Variants in PAX4 observed in about 807,000 individuals in gnomAD.
PAX4 encodes the protein paired box protein Pax-4.
PAX4 carries 33 observed loss-of-function variants against 40.6 expected under a neutral mutation model. The observed-to-expected ratio is 0.81, with a 90% confidence interval of 0.62 to 1.09. The LOEUF is 1.09. Among genes scored for constraint, PAX4 ranks in the 50% least tolerant of loss-of-function variants. PAX4 has a pLI of 0.00. For synonymous variants in PAX4, 174 were observed against 170.6 expected (o/e 1.02, Z -0.16); for missense variants, 459 against 442.5 (o/e 1.04, Z -0.33).
rs1794609351 is a variant in PAX4 at position 127,610,753 on chromosome 7, G to A, written c.*311C>T. The A allele has an allele frequency of 1.2e-6, 1 of 811,130 alleles. No homozygotes were observed. The highest frequency in any genetic ancestry group is 1.7e-5 in the African/African-American group (1 of 58,730). 50.2% of individuals were successfully genotyped at this position (811,130 alleles called of 1,614,324 possible). ...AATTGTCTATAATTGTTGAATATTAGAGTGGGCATAGGGGTGCTCATAGGG... is the reference window on the plus strand; with the variant it reads ...AATTGTCTATAATTGTTGAATATTAAAGTGGGCATAGGGGTGCTCATAGGG... On this transcript the variant is annotated 3_prime_UTR_variant, in exon 12 of 12. Coordinates refer to ENST00000639438, the MANE Select transcript of PAX4 (RefSeq NM_001366110.1).
In PAX4 at chr7:127,611,388, C is replaced by A. The variant is rs1046540692; in HGVS notation, c.913+147G>T. The stretch of plus-strand genomic sequence containing the variant: ...CATAGACTCAGGGGTTACTAGTCTC[C>A]GTAATTTTGTGGACCATGCAAAGAA... On this transcript the variant is annotated intron_variant, in intron 11 of 11. Coordinates refer to ENST00000639438, the MANE Select transcript of PAX4 (RefSeq NM_001366110.1). The A allele has an allele frequency of 9.2e-6, 14 of 1,521,936 alleles. No homozygotes were observed. The East Asian group carries it at 3.2e-4, about 34-fold the overall frequency. 94.3% of individuals were successfully genotyped at this position (1,521,936 alleles called of 1,614,324 possible).
intron 6 of PAX4, 122 bp from the exon 7 acceptor site, chr7:127,614,003 G>C: frequency 8.6e-7 from 1 of 1,156,320 alleles, no homozygotes; most frequent in Non-Finnish European, 1.3e-6. Flanking sequence ...GAGCCAAGCT[G>C]GTGGGGCATT....
rs558771544 is a variant in PAX4 at position 127,613,792 on chromosome 7, T to C, written c.526A>G (p.Ile176Val). 6.2e-7 allele frequency: 1 copy of C among 1,613,942 alleles called. No individual in the cohort carries two copies. Among genetic ancestry groups the C allele is most frequent in the East Asian group, 2.2e-5 (1 of 44,852 alleles). Residue 176 changes from isoleucine (I) to valine (V), a missense_variant, in exon 7 of 12, where the codon ATC (isoleucine) becomes GTC (valine). Ile to Val is a conservative substitution (Grantham distance 29, BLOSUM62 3). Coordinates refer to ENST00000639438, the MANE Select transcript of PAX4 (RefSeq NM_001366110.1). ...GCCTCTGCTTGGCTTGGGGAGAAGA[T>C]AGTCCGATTCCGGTGGCCGGTCCCT... ...HPGTGHRNRT[I>V]FSPSQAEALE... is the part of the protein sequence containing the mutation.
intron 8 of PAX4, 48 bp downstream of exon 8, chr7:127,613,402 C>A: frequency 1.3e-6 from 2 of 1,581,424 alleles, no homozygotes; most frequent in Admixed American, 3.3e-5. Context: ...CTGGCCGGCC[C>A]AGACTCTTCC....
intron 8 of PAX4, 66 bp from the exon 9 acceptor site, chr7:127,613,157 C>T (rs1403089313): frequency 1.0e-5 from 13 of 1,282,290 alleles, no homozygotes. Flanking sequence ...CTGATCTCAC[C>T]ACATGTTCCT....
chr7:127,615,189 A>T, intron 4 of PAX4, 94 bp from the exon 5 acceptor site: 1 of 1,605,864 alleles, frequency 6.2e-7, no homozygotes, highest in African/African-American at 1.3e-5. Context: ...GACAAAGCCA[A>T]GACTTACTGG....
At chr7:127,611,923 A>G (rs1210814755) in intron 10 of PAX4, 22 bp downstream of exon 10, 2 of 1,613,372 alleles carry the variant, frequency 1.2e-6, no homozygotes, top group Non-Finnish European at 1.7e-6. Context: ...CAGGGCACAG[A>G]CTCCCCTCTC....
chr7:127,614,683 C>CCT lies in PAX4; in HGVS notation c.361-128_361-127dup, dbSNP rs143347689. ...TACACATTGTTCCCAAGGGCAGCCT[C>CCT]CTCTCTCTCTCTCTATGCTTTCTCC... On this transcript the variant is annotated intron_variant, in intron 5 of 11. Coordinates refer to ENST00000639438, the MANE Select transcript of PAX4 (RefSeq NM_001366110.1). 8.4e-4 allele frequency: 897 copies of CCT among 1,073,316 alleles called. 1 individual carries two copies. The highest frequency in any genetic ancestry group is 8.1e-4 in the Non-Finnish European group (585 of 717,856). 66.5% of individuals were successfully genotyped at this position (1,073,316 alleles called of 1,614,324 possible). A position where few individuals can be genotyped will look rare whatever the true frequency, so the allele number is the denominator to read the frequency against.
rs746285934 is a variant in PAX4, at chr7:127,611,945, C to T, written c.771G>A (p.Gln257=). The part of the protein sequence containing the change: ...PRVAPGIISA[Q]QSPGSVPTAA... ...CAGACTCCCCTCTCCTCCCGAGTAC[C>T]TGTGCAGAGATGATTCCTGGGGCAA... The change falls in exon 10 of 12, where the codon CAG becomes CAA. Residue 257 remains glutamine, a splice_region_variant and synonymous_variant. Coordinates refer to ENST00000639438, the MANE Select transcript of PAX4 (RefSeq NM_001366110.1). The T allele has an allele frequency of 4.3e-6, 7 of 1,614,140 alleles. 1 individual carries two copies. In the Admixed American group the frequency reaches 1.2e-4, roughly 27 times the overall value.
chr7:127,611,689 A>G lies in PAX4; in HGVS notation c.772-13T>C, dbSNP rs750170912. 1.9e-6 allele frequency: 3 copies of G among 1,607,618 alleles called. No homozygotes were observed. Among genetic ancestry groups the G allele is most frequent in the African/African-American group, 2.7e-5 (2 of 74,834 alleles). On this transcript the variant is annotated splice_polypyrimidine_tract_variant and intron_variant, in intron 10 of 11. Coordinates refer to ENST00000639438, the MANE Select transcript of PAX4 (RefSeq NM_001366110.1). The stretch of plus-strand genomic sequence containing the variant: ...TGCCAGGGGACTGCTAAAAAAAAAA[A>G]GCAAGAGAAGAACCTTAGCTTCCAG...
chr7:127,611,216 C>A lies in PAX4; in HGVS notation c.914-10G>T, dbSNP rs778463380. 58 of 1,589,226 alleles carry A rather than the reference C, an allele frequency of 3.6e-5. No individual in the cohort carries two copies. The highest frequency in any genetic ancestry group is 5.0e-5 in the Non-Finnish European group (58 of 1,167,482). On this transcript the variant is annotated splice_polypyrimidine_tract_variant and intron_variant, in intron 11 of 11. Coordinates refer to ENST00000639438, the MANE Select transcript of PAX4 (RefSeq NM_001366110.1). ...TGTGGGGGCAAGTGGCCTGTGGGGACAAATAGAGAGAGCTTGGGGTTATTG... is the reference window on the plus strand; with the variant it reads ...TGTGGGGGCAAGTGGCCTGTGGGGAAAAATAGAGAGAGCTTGGGGTTATTG...
rs762823646 is a variant in PAX4, at chr7:127,610,907, G to A, written c.*157C>T. 291 of 1,544,858 alleles carry A rather than the reference G, an allele frequency of 1.9e-4. No homozygotes were observed. Among genetic ancestry groups the A allele is most frequent in the Non-Finnish European group, 2.3e-4 (261 of 1,146,964 alleles). On this transcript the variant is annotated 3_prime_UTR_variant, in exon 12 of 12. Transcript: ENST00000639438. ...ACCAGCCCCTCCAATCAGGTGATGC[G>A]CCAGAGAGGCATCGAGGCAGGGCCA...
chr7:127,611,735 G>T (rs1392488227), intron 10 of PAX4, 59 bp from the exon 11 acceptor site: 1 of 1,603,100 alleles, frequency 6.2e-7, no homozygotes, highest in South Asian at 1.1e-5. Flanking sequence ...TGTAGAGAAC[G>T]CCGGGACCCC....
chr7:127,612,318 G>C (rs1794640722), intron 9 of PAX4, among the ~76,000 whole-genome samples: 2 of 152,190 alleles, frequency 1.3e-5, no homozygotes, highest in South Asian at 4.1e-4. Context: ...TGGATGGATG[G>C]GTGGATGGAT....
chr7:127,615,637 C>T, intron 3 of PAX4, 106 bp from the exon 4 acceptor site: 1 of 1,597,826 alleles, frequency 6.3e-7, no homozygotes. Flanking sequence ...CCACCGAGTG[C>T]ATCCTCTCCT....
At position 127,614,935 on chromosome 7, in the gene PAX4, T is replaced by A. The variant is rs1794699654; in HGVS notation, c.305A>T (p.Glu102Val). ...TTCAGCACAAAGCTGGCGTTGGATT[T>A]CCCAGGCAAAGAGGGCTGGACACTC... Reference protein sequence around the residue: ...KGECPALFAWEIQRQLCAEGL... With the variant: ...KGECPALFAWVIQRQLCAEGL... Residue 102 changes from glutamate (E) to valine (V), a missense_variant, in exon 5 of 12, where the codon GAA becomes GTA. Physicochemically the swap from Glu to Val is moderately radical, Grantham distance 121 (BLOSUM62 -2). Coordinates refer to ENST00000639438, the MANE Select transcript of PAX4 (RefSeq NM_001366110.1). The A allele has an allele frequency of 6.2e-7, 1 of 1,614,024 alleles. No homozygotes were observed. The highest frequency in any genetic ancestry group is 1.1e-5 in the South Asian group (1 of 91,078).
Position 127,618,110 on chromosome 7 carries a change from G to A in PAX4, c.-374C>T, listed in dbSNP as rs370467107. ...CTGCCAGGGGGTCCAGAGCTATAGA[G>A]AGCCCGTGCTCAAGAGCAGAGGGCA... is the stretch of plus-strand genomic sequence containing the variant. On this transcript the variant is annotated 5_prime_UTR_variant, in exon 1 of 12. Coordinates refer to ENST00000639438, the MANE Select transcript of PAX4 (RefSeq NM_001366110.1). 5.2e-5 allele frequency: 8 copies of A among 152,590 alleles called. No homozygotes were observed. Among genetic ancestry groups the A allele is most frequent in the African/African-American group, 1.7e-4 (7 of 41,554 alleles). 9.5% of individuals were successfully genotyped at this position (152,590 alleles called of 1,614,324 possible). A position where few individuals can be genotyped will look rare whatever the true frequency, so the allele number is the denominator to read the frequency against.
At chr7:127,615,293 G>T (rs1794706468) in intron 4 of PAX4, 108 bp downstream of exon 4, 1 of 1,607,938 alleles carries the variant, frequency 6.2e-7, no homozygotes, top group Admixed American at 1.7e-5. Flanking sequence ...AGTGACCCAA[G>T]TCCCAGAAGC....
In PAX4 at chr7:127,614,476, AC is replaced by A; in HGVS notation, c.436+5del. ...GATTAGCCCTGGGGACAACTCCAAG[AC>A]CCACCTGGTGACCTGAGCCGTGTGC... On this transcript the variant is annotated splice_donor_5th_base_variant and intron_variant, in intron 6 of 11. Coordinates refer to ENST00000639438, the MANE Select transcript of PAX4 (RefSeq NM_001366110.1). The A allele has an allele frequency of 6.3e-7, 1 of 1,589,406 alleles. No individual in the cohort carries two copies. The highest frequency in any genetic ancestry group is 8.6e-7 in the Non-Finnish European group (1 of 1,166,756).
Sources: allele counts gnomAD v4.1 joint callset (sites outside exome capture counted in the v4.1 genomes callset), GRCh38; gene constraint gnomAD v4.1.1; transcripts MANE v1.5; gene names NCBI Gene and HGNC (gene_info 2026-07-23, HGNC 2026-07-21).